The following KLRG1 variants were observed in gnomAD, a reference collection of about 807,000 sequenced individuals.
The protein encoded by KLRG1 is killer cell lectin like receptor G1.
Under a neutral mutation model 21.8 loss-of-function variants are expected in KLRG1, and 16 were observed. The observed-to-expected ratio is 0.73, with a 90% CI of 0.50 to 1.11. KLRG1 has a LOEUF of 1.11. KLRG1 is among the 50% of genes most tolerant of loss of function. The pLI, the probability that KLRG1 is intolerant of heterozygous loss-of-function variation, is 0.00. For missense variants in KLRG1, 173 were observed against 218.3 expected, an observed-to-expected ratio of 0.79 and a Z score of 1.31; for synonymous variants, 69 against 75.9, an observed-to-expected ratio of 0.91 and a Z score of 0.47.
intron 1 of KLRG1, among the ~76,000 whole-genome samples, chr12:8,974,121 A>C (rs1219126148): frequency 6.6e-6 from 1 of 150,584 alleles, no homozygotes; most frequent in East Asian, 1.9e-4. Context: ...CTTTAACCAG[A>C]TCTTACAGGC....
the KLRG1 span, among the ~76,000 whole-genome samples, chr12:9,211,013 G>A: frequency 1.3e-5 from 2 of 152,148 alleles, no homozygotes; most frequent in African/African-American, 4.8e-5. Flanking sequence ...ATACACAGGA[G>A]TGAGATTGTT....
chr12:9,165,320 G>C, the KLRG1 span: 7 of 1,614,058 alleles, frequency 4.3e-6, no homozygotes, highest in African/African-American at 9.3e-5. Context: ...CTTCCACTCG[G>C]TGATGGTGTC....
chr12:9,067,649 A>G, the KLRG1 span: 5 of 709,058 alleles, frequency 7.1e-6, no homozygotes, highest in South Asian at 6.1e-5. Flanking sequence ...TTGGTATTCT[A>G]TTGGGAATCA....
the KLRG1 span, among the ~76,000 whole-genome samples, chr12:9,194,525 C>G: frequency 7.1e-6 from 1 of 139,908 alleles, no homozygotes; most frequent in Non-Finnish European, 1.5e-5. Flanking sequence ...AGTGCAGTGG[C>G]GCGATCTCGG....
the KLRG1 span, among the ~76,000 whole-genome samples, chr12:9,212,453 C>A: frequency 1.3e-5 from 2 of 152,154 alleles, no homozygotes; most frequent in East Asian, 3.9e-4. Flanking sequence ...AGAAAGTAGC[C>A]AATCATCTTT....
chr12:9,047,411 GT>G, the KLRG1 span, among the ~76,000 whole-genome samples: 1 of 152,054 alleles, frequency 6.6e-6, no homozygotes, highest in Non-Finnish European at 1.5e-5. Flanking sequence ...CACTGAAAAT[GT>G]TTTTTTGAAA....
At chr12:9,059,835 A>C in the KLRG1 span, among the ~76,000 whole-genome samples, 1 of 151,720 alleles carries the variant, frequency 6.6e-6, no homozygotes, top group Non-Finnish European at 1.5e-5. Context: ...GCATGCCACT[A>C]TGCCCGGCTA....
At chr12:8,958,906 C>T (rs61916511) in intron 1 of KLRG1, among the ~76,000 whole-genome samples, 8,147 of 151,610 alleles carry the variant, frequency 0.054, 297 homozygotes, top group Non-Finnish European at 0.079. Context: ...TGATATGAAT[C>T]TGTAGATAAA....
intron 1 of KLRG1, among the ~76,000 whole-genome samples, chr12:8,969,527 T>C (rs780600779): frequency 6.6e-6 from 1 of 151,830 alleles, no homozygotes; most frequent in East Asian, 1.9e-4. Flanking sequence ...AGCTCTTTTA[T>C]TTTAGTTAAA....
chr12:9,162,831 G>A, the KLRG1 span, among the ~76,000 whole-genome samples: 1 of 152,120 alleles, frequency 6.6e-6, no homozygotes, highest in Non-Finnish European at 1.5e-5. Context: ...TTGTTACATA[G>A]GTAAATGTGT....
At chr12:9,064,522 G>GTC in the KLRG1 span, 1 of 155,566 alleles carries the variant, frequency 6.4e-6, no homozygotes, top group East Asian at 1.9e-4. The surrounding 1 kb of genome is among the most constrained non-coding windows in gnomAD (Gnocchi z 4.0). Context: ...TCCGGACCCT[G>GTC]GCCCTATGTC....
chr12:9,132,941 G>T, the KLRG1 span, among the ~76,000 whole-genome samples: 2 of 152,174 alleles, frequency 1.3e-5, no homozygotes, highest in Non-Finnish European at 2.9e-5. Context: ...CTCTTTGAAT[G>T]AATGAAAACT....
the KLRG1 span, chr12:9,067,985 A>G: frequency 2.0e-6 from 2 of 986,386 alleles, no homozygotes; most frequent in South Asian, 1.4e-5. Context: ...ATCATTACCC[A>G]TAAGCAATCC....
At chr12:8,953,631 A>G (rs1160857460) in intron 1 of KLRG1, among the ~76,000 whole-genome samples, 1 of 152,164 alleles carries the variant, frequency 6.6e-6, no homozygotes, top group Non-Finnish European at 1.5e-5. Flanking sequence ...CCTCATGATT[A>G]TATTTAAGTT....
At chr12:9,070,399 A>G in the KLRG1 span, 2 of 856,704 alleles carry the variant, frequency 2.3e-6, no homozygotes, top group African/African-American at 3.4e-5. Context: ...GATTGACTTT[A>G]ATAGTATTTT....
chr12:9,056,332 T>C, the KLRG1 span, among the ~76,000 whole-genome samples: 2 of 152,206 alleles, frequency 1.3e-5, no homozygotes, highest in Non-Finnish European at 2.9e-5. Flanking sequence ...ACCATTAGTA[T>C]AATCCGTTAC....
At chr12:9,164,963 A>G in the KLRG1 span, among the ~76,000 whole-genome samples, 12 of 152,182 alleles carry the variant, frequency 7.9e-5, no homozygotes, top group Non-Finnish European at 1.6e-4. Context: ...CCCATAGCAC[A>G]TATATCATTG....
At chr12:9,115,519 T>G in the KLRG1 span, 83 of 389,030 alleles carry the variant, frequency 2.1e-4, no homozygotes, top group African/African-American at 1.6e-3. Context: ...AATTTATTCT[T>G]TTAAAAAGCT....
At chr12:9,197,312 T>C in the KLRG1 span, among the ~76,000 whole-genome samples, 1 of 149,462 alleles carries the variant, frequency 6.7e-6, no homozygotes, top group East Asian at 1.9e-4. Context: ...GAAACTTGAC[T>C]GCACTGTACC....
Sources: gnomAD v4.1 joint callset for allele counts (sites outside exome capture counted in the v4.1 genomes callset) on GRCh38, gnomAD v4.1.1 for gene constraint, Gnocchi (gnomAD v3.1) non-coding constraint, MANE v1.5 for transcripts, NCBI Gene and HGNC (gene_info 2026-07-23, HGNC 2026-07-21) for gene names.